PDE8B: variants seen among roughly 807,000 people sequenced by gnomAD.
PDE8B encodes phosphodiesterase 8B.
Under a neutral mutation model 101.3 loss-of-function variants are expected in PDE8B, and 26 were observed. The observed-to-expected ratio is 0.26, with a 90% CI of 0.19 to 0.36. The LOEUF (loss-of-function observed/expected upper bound fraction) is 0.36. Among genes scored for constraint, PDE8B ranks in the 10% least tolerant of loss-of-function variants. The pLI, the probability that PDE8B is intolerant of heterozygous loss-of-function variation, is 1.00. For missense variants in PDE8B, 810 were observed against 1,163.1 expected (o/e 0.70, Z 4.42); for synonymous variants, 424 against 429.3 (o/e 0.99, Z 0.15).
chr5:77,299,103 C>T (rs559802833), intron 1 of PDE8B, among the ~76,000 whole-genome samples: 60 of 152,276 alleles, frequency 3.9e-4, no homozygotes, highest in African/African-American at 1.4e-3. Flanking sequence ...ATTTCTAAAG[C>T]ATTGCCTGTC....
intron 1 of PDE8B, among the ~76,000 whole-genome samples, chr5:77,247,167 C>T (rs996834006): frequency 6.6e-6 from 1 of 152,226 alleles, no homozygotes; most frequent in Non-Finnish European, 1.5e-5. Context: ...GATGGCACCC[C>T]ACCCTTAGAA....
At chr5:77,205,901 G>A (rs997698384), upstream of PDE8B, among the ~76,000 whole-genome samples, 1 of 152,036 alleles carries the variant, frequency 6.6e-6, no homozygotes, top group Non-Finnish European at 1.5e-5. Flanking sequence ...TTTGATGGTT[G>A]AATTATCTCT....
At chr5:77,126,068 C>T in the PDE8B span, among the ~76,000 whole-genome samples, 7 of 152,230 alleles carry the variant, frequency 4.6e-5, no homozygotes, top group East Asian at 3.9e-4. Context: ...GGGCGGATCA[C>T]GAGGTCAGGA....
chr5:77,226,462 T>G (rs543105629), intron 1 of PDE8B, among the ~76,000 whole-genome samples: 2 of 152,252 alleles, frequency 1.3e-5, no homozygotes, highest in South Asian at 4.1e-4. Context: ...GGCTGTACTT[T>G]GTTTTATTCA....
chr5:77,391,662 G>A (rs1332282457), intron 10 of PDE8B, among the ~76,000 whole-genome samples: 1 of 152,192 alleles, frequency 6.6e-6, no homozygotes, highest in Non-Finnish European at 1.5e-5. Context: ...GCTTTATCTG[G>A]CTCCACTCTA....
chr5:77,211,700 G>A lies in PDE8B; in HGVS notation c.339+436G>A, dbSNP rs1160534423. 6.6e-6 allele frequency among the ~76,000 whole-genome samples: 1 copy of A among 152,280 alleles called. No homozygotes were observed. The highest frequency in any genetic ancestry group is 1.5e-5 in the Non-Finnish European group (1 of 68,054). Reference sequence around the variant, plus strand: ...CTGGTGCAGTTGCAGCACCAGGATAGATAGTGCCCCATATTCCGATTTTTA... The same window carrying A: ...CTGGTGCAGTTGCAGCACCAGGATAAATAGTGCCCCATATTCCGATTTTTA... On this transcript the variant is annotated intron_variant, in intron 1 of 21. Coordinates refer to ENST00000264917, the MANE Select transcript of PDE8B (RefSeq NM_003719.5). The surrounding 1 kb of genome is among the most constrained non-coding windows in gnomAD (Gnocchi z 4.1).
intron 1 of PDE8B, among the ~76,000 whole-genome samples, chr5:77,222,594 A>T (rs1355115275): frequency 1.3e-5 from 2 of 152,176 alleles, no homozygotes; most frequent in East Asian, 3.9e-4. Flanking sequence ...CAAAAAACAG[A>T]ATATGACATA....
intron 1 of PDE8B, among the ~76,000 whole-genome samples, chr5:77,307,789 G>A (rs1344374282): frequency 1.3e-5 from 2 of 152,194 alleles, no homozygotes; most frequent in African/African-American, 4.8e-5. Flanking sequence ...TGGCTAGGAA[G>A]TGTGTCTCTC....
chr5:77,198,162 G>A, the PDE8B span, among the ~76,000 whole-genome samples: 2 of 152,020 alleles, frequency 1.3e-5, no homozygotes, highest in Non-Finnish European at 2.9e-5. Flanking sequence ...TTAAAGGTAG[G>A]TCTGCAGTAT....
At chr5:77,153,572 CTT>C in the PDE8B span, among the ~76,000 whole-genome samples, 108 of 131,468 alleles carry the variant, frequency 8.2e-4, no homozygotes, top group African/African-American at 2.9e-3. Context: ...CAGCTTTACT[CTT>C]TTTTTTTTTT....
chr5:77,312,873 G>A (rs1772981553), intron 2 of PDE8B, among the ~76,000 whole-genome samples: 1 of 152,168 alleles, frequency 6.6e-6, no homozygotes, highest in Non-Finnish European at 1.5e-5. Flanking sequence ...TAACACAGCA[G>A]GAACTTGTGT....
intron 1 of PDE8B, among the ~76,000 whole-genome samples, chr5:77,251,721 C>T (rs114898149): frequency 0.017 from 2,636 of 152,214 alleles, 73 homozygotes; most frequent in African/African-American, 0.059. Context: ...GTGTCTGTGT[C>T]GTATTCCAGA....
chr5:77,269,231 A>T lies in PDE8B; in HGVS notation c.340-42763A>T, dbSNP rs533658922. Among the ~76,000 whole-genome samples, 10 of 152,196 alleles carry T rather than the reference A, an allele frequency of 6.6e-5. No individual in the cohort carries two copies. In the South Asian group the frequency reaches 1.9e-3, roughly 29 times the overall value. ...ATTTGCATTTCTCTGGTGATCAATG[A>T]TGTTGAGCATCTTTTTATATACCTG... On this transcript the variant is annotated intron_variant, in intron 1 of 21. Transcript: ENST00000264917.
At chr5:77,155,994 A>G in the PDE8B span, among the ~76,000 whole-genome samples, 15 of 152,238 alleles carry the variant, frequency 9.9e-5, no homozygotes, top group Non-Finnish European at 2.2e-4. Context: ...AATGTTACAT[A>G]GATAATAAAA....
chr5:77,267,071 T>A (rs1289586867), intron 1 of PDE8B, among the ~76,000 whole-genome samples: 1 of 152,138 alleles, frequency 6.6e-6, no homozygotes, highest in Non-Finnish European at 1.5e-5. Flanking sequence ...TTTCCCTGTG[T>A]TAAGGCTTAT....
At chr5:77,409,573 G>A (rs1366870380) in intron 14 of PDE8B, among the ~76,000 whole-genome samples, 1 of 152,076 alleles carries the variant, frequency 6.6e-6, no homozygotes, top group Non-Finnish European at 1.5e-5. Context: ...AGGGGAAGGG[G>A]AGAAGGAACC....
At chr5:77,127,815 A>G in the PDE8B span, among the ~76,000 whole-genome samples, 1 of 152,160 alleles carries the variant, frequency 6.6e-6, no homozygotes, top group East Asian at 1.9e-4. Flanking sequence ...TAGTGACTCA[A>G]TATTCTCAGA....
At chr5:77,172,683 A>C in the PDE8B span, among the ~76,000 whole-genome samples, 1 of 152,252 alleles carries the variant, frequency 6.6e-6, no homozygotes, top group Admixed American at 6.5e-5. Flanking sequence ...AAACAGCCTC[A>C]GCCTTCAAGG....
chr5:77,302,016 A>G (rs1406614914), intron 1 of PDE8B, among the ~76,000 whole-genome samples: 1 of 151,750 alleles, frequency 6.6e-6, no homozygotes. Flanking sequence ...TTTTCTTTCC[A>G]TTTTAATGCA....
Sources: allele counts gnomAD v4.1 joint callset (sites outside exome capture counted in the v4.1 genomes callset), GRCh38; gene constraint gnomAD v4.1.1; non-coding constraint Gnocchi (gnomAD v3.1); transcripts MANE v1.5; gene names NCBI Gene and HGNC (gene_info 2026-07-23, HGNC 2026-07-21).